The following RYK variants were observed in gnomAD, a reference collection of about 807,000 sequenced individuals.
RYK encodes the protein receptor like tyrosine kinase.
A neutral mutation model predicts 70.2 loss-of-function variants in RYK; 21 were observed. The observed-to-expected ratio is 0.30, with a 90% CI of 0.21 to 0.43. The LOEUF (loss-of-function observed/expected upper bound fraction) is 0.43. RYK is among the 20% of genes least tolerant of loss of function. RYK has a pLI of 1.00. For synonymous variants in RYK, 267 were observed against 278.0 expected, an observed-to-expected ratio of 0.96 and a Z score of 0.39; for missense variants, 604 against 753.3, an observed-to-expected ratio of 0.80 and a Z score of 2.32.
In RYK at chr3:134,182,652, C is replaced by T. The variant is rs528844947; in HGVS notation, c.1172+350G>A. ...TTATACTTGACTTTGAGGTCCTATA[C>T]GTTCAAAAATCTCATAACAAATATT... On this transcript the variant is annotated intron_variant, in intron 10 of 14. Coordinates refer to ENST00000623711, the MANE Select transcript of RYK (RefSeq NM_002958.4). Among the ~76,000 whole-genome samples the T allele has an allele frequency of 5.9e-5, 9 of 152,138 alleles. No homozygotes were observed. In the East Asian group the frequency reaches 9.6e-4, roughly 16 times the overall value.
chr3:134,176,752 AAAC>A (rs767396472), intron 11 of RYK, among the ~76,000 whole-genome samples: 7 of 152,174 alleles, frequency 4.6e-5, no homozygotes, highest in Non-Finnish European at 7.4e-5. Context: ...ATGAAACAAA[AAAC>A]AAAAAAACCC....
At chr3:134,237,603 G>C (rs538801573) in intron 1 of RYK, among the ~76,000 whole-genome samples, 1 of 152,302 alleles carries the variant, frequency 6.6e-6, no homozygotes, top group Non-Finnish European at 1.5e-5. Flanking sequence ...AGAGTTCACA[G>C]TTCTTACTTC....
chr3:134,212,543 A>G (rs2014433265), intron 2 of RYK, among the ~76,000 whole-genome samples: 1 of 152,226 alleles, frequency 6.6e-6, no homozygotes, highest in Non-Finnish European at 1.5e-5. Flanking sequence ...AGGTTGGGAA[A>G]AGAGTGAGAA....
intron 1 of RYK, among the ~76,000 whole-genome samples, chr3:134,236,814 G>T (rs545495184): frequency 6.6e-6 from 1 of 152,232 alleles, no homozygotes; most frequent in African/African-American, 2.4e-5. Flanking sequence ...GAGACAAGGG[G>T]GCTGTGCTGG....
chr3:134,168,793 G>T (rs7623609), intron 13 of RYK, among the ~76,000 whole-genome samples: 63,022 of 151,696 alleles, frequency 0.42, 14,866 homozygotes, highest in Middle Eastern at 0.63. Flanking sequence ...ATAATAATAA[G>T]AAGAAGCATC....
rs183117089 is a variant in RYK, at chr3:134,250,136, G to A, written c.232+287C>T. Among the ~76,000 whole-genome samples, 141 of 152,226 alleles carry A rather than the reference G, an allele frequency of 9.3e-4. 1 individual carries two copies. The highest frequency in any genetic ancestry group is 3.3e-3 in the African/African-American group (135 of 41,524). The stretch of plus-strand genomic sequence containing the variant: ...TGTAAGGGTGACTGACTCTTCTAGG[G>A]AGAAGGGCTAAGGAGGCAGTGAGGA... On this transcript the variant is annotated intron_variant, in intron 1 of 14. Transcript: ENST00000623711.
intron 4 of RYK, among the ~76,000 whole-genome samples, chr3:134,209,404 G>C (rs966362944): frequency 2.0e-5 from 3 of 152,162 alleles, no homozygotes; most frequent in Non-Finnish European, 4.4e-5. Context: ...AGTCCCAACA[G>C]ATTTTTCTTA....
chr3:134,228,126 C>CA (rs1380080668), intron 1 of RYK, among the ~76,000 whole-genome samples: 1 of 152,122 alleles, frequency 6.6e-6, no homozygotes, highest in Non-Finnish European at 1.5e-5. Flanking sequence ...ACTATCTCTA[C>CA]AAAAAATGTT....
chr3:134,247,937 A>G (rs1271100104), intron 1 of RYK, among the ~76,000 whole-genome samples: 1 of 152,178 alleles, frequency 6.6e-6, no homozygotes, highest in Admixed American at 6.5e-5. Context: ...ATTCTAAAAT[A>G]CGGTGCAAAG....
intron 1 of RYK, among the ~76,000 whole-genome samples, chr3:134,233,565 A>G (rs943345912): frequency 3.3e-5 from 5 of 152,218 alleles, no homozygotes; most frequent in Admixed American, 2.0e-4. Flanking sequence ...ATAAACTACC[A>G]GCAACAGAGC....
chr3:134,205,809 C>T (rs1453540924), intron 5 of RYK, among the ~76,000 whole-genome samples: 2 of 152,152 alleles, frequency 1.3e-5, no homozygotes, highest in African/African-American at 4.8e-5. Context: ...TATATTGCCT[C>T]GTCTATTTCT....
chr3:134,213,798 T>C (rs985114595), intron 2 of RYK, among the ~76,000 whole-genome samples: 2 of 152,126 alleles, frequency 1.3e-5, no homozygotes, highest in Non-Finnish European at 2.9e-5. Context: ...CCCCTCTACT[T>C]TGAAGTTTAT....
intron 2 of RYK, among the ~76,000 whole-genome samples, chr3:134,220,290 A>G (rs2014696199): frequency 6.6e-6 from 1 of 152,194 alleles, no homozygotes; most frequent in Non-Finnish European, 1.5e-5. Flanking sequence ...CATTGTTGTG[A>G]TAATTGATAA....
chr3:134,168,664 A>G (rs2012782588), intron 13 of RYK, among the ~76,000 whole-genome samples: 1 of 151,960 alleles, frequency 6.6e-6, no homozygotes, highest in African/African-American at 2.4e-5. Flanking sequence ...AGATATACCT[A>G]ATGTGAATGA....
chr3:134,223,355 T>C (rs1409430537), intron 1 of RYK, among the ~76,000 whole-genome samples: 1 of 152,244 alleles, frequency 6.6e-6, no homozygotes, highest in Non-Finnish European at 1.5e-5. Flanking sequence ...ATCCTGCCTG[T>C]ATTTAATATT....
chr3:134,200,590 C>A (rs1332500471), intron 6 of RYK, among the ~76,000 whole-genome samples: 1 of 152,204 alleles, frequency 6.6e-6, no homozygotes, highest in Non-Finnish European at 1.5e-5. Context: ...TTAAAAACTT[C>A]ATAAAATGCC....
chr3:134,170,045 CA>C (rs1269538891), intron 13 of RYK, among the ~76,000 whole-genome samples: 2 of 152,136 alleles, frequency 1.3e-5, no homozygotes, highest in African/African-American at 4.8e-5. Context: ...AACTAAAAGG[CA>C]GGACTTTTAC....
chr3:134,189,000 A>G (rs1450184710), intron 8 of RYK, 77 bp from the exon 9 acceptor site: 4 of 820,586 alleles, frequency 4.9e-6, no homozygotes, highest in Non-Finnish European at 7.6e-6. Flanking sequence ...GGCACAATAT[A>G]ACATAAAACA....
intron 2 of RYK, among the ~76,000 whole-genome samples, chr3:134,216,032 T>G (rs1560019841): frequency 1.5e-5 from 1 of 66,110 alleles, no homozygotes; most frequent in Non-Finnish European, 2.6e-5. Flanking sequence ...TGAGACTCAG[T>G]CTCAAAAAAA....
Sources: gnomAD v4.1 joint callset for allele counts (sites outside exome capture counted in the v4.1 genomes callset) on GRCh38, gnomAD v4.1.1 for gene constraint, MANE v1.5 for transcripts, NCBI Gene and HGNC (gene_info 2026-07-23, HGNC 2026-07-21) for gene names.